Variants in LRRC4C observed in about 807,000 individuals in gnomAD.
LRRC4C encodes the protein leucine-rich repeat-containing protein 4C.
Under a neutral mutation model 33.6 loss-of-function variants are expected in LRRC4C, and 5 were observed. The observed-to-expected ratio is 0.15, with a 90% confidence interval of 0.08 to 0.31. The LOEUF (loss-of-function observed/expected upper bound fraction) is 0.31, where lower values mean the gene tolerates loss of function less well. Ranked by LOEUF, LRRC4C falls within the 10% of genes least tolerant of loss-of-function variation. The pLI is 1.00. For missense variants in LRRC4C, 560 were observed against 796.7 expected (o/e 0.70, Z 3.58); for synonymous variants, 329 against 302.0 (o/e 1.09, Z -0.93).
At chr11:41,034,422 T>C (rs1352100601) in intron 1 of LRRC4C, among the ~76,000 whole-genome samples, 2 of 122,798 alleles carry the variant, frequency 1.6e-5, no homozygotes, top group Admixed American at 8.6e-5. Context: ...AAGACACATA[T>C]GAACAATCCA....
At chr11:40,899,436 C>T (rs1956112830) in intron 2 of LRRC4C, among the ~76,000 whole-genome samples, 1 of 152,090 alleles carries the variant, frequency 6.6e-6, no homozygotes, top group East Asian at 1.9e-4. Flanking sequence ...GCATGAATAC[C>T]TATGCTGGAC....
intron 1 of LRRC4C, among the ~76,000 whole-genome samples, chr11:41,294,037 A>C (rs1591181081): frequency 6.6e-6 from 1 of 152,144 alleles, no homozygotes; most frequent in Non-Finnish European, 1.5e-5. Context: ...TCCTTGATGC[A>C]CTCACTACAT....
At chr11:41,090,404 G>A (rs1300698071) in intron 1 of LRRC4C, among the ~76,000 whole-genome samples, 2 of 151,812 alleles carry the variant, frequency 1.3e-5, no homozygotes, top group African/African-American at 2.4e-5. Context: ...TTCCTATATT[G>A]AGCATGCACT....
intron 3 of LRRC4C, among the ~76,000 whole-genome samples, chr11:40,419,325 T>G (rs1321472980): frequency 6.6e-6 from 1 of 152,162 alleles, no homozygotes; most frequent in Non-Finnish European, 1.5e-5. Flanking sequence ...TGGTGAAAGA[T>G]ATACTCAACA....
At chr11:41,390,288 T>C (rs1448297805) in intron 1 of LRRC4C, among the ~76,000 whole-genome samples, 2 of 152,016 alleles carry the variant, frequency 1.3e-5, no homozygotes, top group East Asian at 3.9e-4. Flanking sequence ...ATAAATCATT[T>C]AGGAGAAACA....
chr11:40,618,638 A>AAGCAGT (rs1470008453), intron 3 of LRRC4C, among the ~76,000 whole-genome samples: 4 of 151,726 alleles, frequency 2.6e-5, no homozygotes, highest in African/African-American at 7.2e-5. Flanking sequence ...TGCTCTCTCA[A>AAGCAGT]TCCATTTTTG....
At chr11:41,321,248 T>C (rs773870989) in intron 1 of LRRC4C, among the ~76,000 whole-genome samples, 1 of 152,108 alleles carries the variant, frequency 6.6e-6, no homozygotes, top group African/African-American at 2.4e-5. Context: ...ATATTCATAG[T>C]GTAGGATTAG....
chr11:40,527,864 T>C (rs929333999), intron 3 of LRRC4C, among the ~76,000 whole-genome samples: 2 of 152,060 alleles, frequency 1.3e-5, no homozygotes, highest in African/African-American at 4.8e-5. Flanking sequence ...TTCTCCTGCC[T>C]CAGCCTCCCA....
At chr11:41,222,924 T>A (rs1318167441) in intron 1 of LRRC4C, 2 of 151,588 alleles carry the variant, frequency 1.3e-5, no homozygotes, top group South Asian at 4.2e-4. Flanking sequence ...CATTAGACGG[T>A]CTTGAACAAA....
chr11:40,267,162 C>T (rs1217623197), intron 4 of LRRC4C, among the ~76,000 whole-genome samples: 1 of 152,032 alleles, frequency 6.6e-6, no homozygotes, highest in East Asian at 1.9e-4. Context: ...TAATTTTTAA[C>T]CGAAGAAATA....
At chr11:40,808,599 A>G (rs1951350540) in intron 2 of LRRC4C, among the ~76,000 whole-genome samples, 1 of 152,138 alleles carries the variant, frequency 6.6e-6, no homozygotes, top group South Asian at 2.1e-4. Context: ...AACGGAGCAC[A>G]GCTGGAAAAA....
chr11:40,723,690 C>T (rs1368860012), intron 2 of LRRC4C, among the ~76,000 whole-genome samples: 2 of 152,210 alleles, frequency 1.3e-5, no homozygotes, highest in East Asian at 3.9e-4. Context: ...CTCTATAAAG[C>T]AACTACGCAA....
intron 1 of LRRC4C, among the ~76,000 whole-genome samples, chr11:41,209,841 C>T (rs1333901681): frequency 6.6e-6 from 1 of 151,806 alleles, no homozygotes; most frequent in Non-Finnish European, 1.5e-5. Context: ...GAAGCCTTAA[C>T]CCACAATATG....
At chr11:41,228,470 C>T (rs776111258) in intron 1 of LRRC4C, among the ~76,000 whole-genome samples, 9 of 152,108 alleles carry the variant, frequency 5.9e-5, no homozygotes, top group Non-Finnish European at 1.3e-4. Flanking sequence ...GGCTGTGAGA[C>T]ATCTTCTGTC....
At chr11:40,261,293 T>A (rs1020666806) in intron 4 of LRRC4C, among the ~76,000 whole-genome samples, 19 of 152,182 alleles carry the variant, frequency 1.2e-4, no homozygotes, top group African/African-American at 4.3e-4. Context: ...AAATACTGAA[T>A]GTTATTGACA....
chr11:40,763,026 G>A (rs1949291862), intron 2 of LRRC4C, among the ~76,000 whole-genome samples: 1 of 82,424 alleles, frequency 1.2e-5, no homozygotes, highest in South Asian at 3.6e-4. Flanking sequence ...CAATATTATG[G>A]CCATTTAAAA....
At chr11:40,798,199 T>G (rs1016240827) in intron 2 of LRRC4C, among the ~76,000 whole-genome samples, 3 of 152,148 alleles carry the variant, frequency 2.0e-5, no homozygotes, top group African/African-American at 7.2e-5. Context: ...CCACAAAAAT[T>G]TAATGAATCA....
intron 2 of LRRC4C, among the ~76,000 whole-genome samples, chr11:40,783,829 T>C (rs943392525): frequency 6.6e-6 from 1 of 152,166 alleles, no homozygotes. Flanking sequence ...TAGGATTTCA[T>C]GTGCCTTGTA....
intron 5 of LRRC4C, among the ~76,000 whole-genome samples, chr11:40,201,427 A>T (rs974166117): frequency 1.3e-5 from 2 of 152,128 alleles, no homozygotes; most frequent in Non-Finnish European, 2.9e-5. Context: ...TAGGTACAGC[A>T]ACAAACTAAA....
Sources: gnomAD v4.1 joint callset for allele counts (sites outside exome capture counted in the v4.1 genomes callset) on GRCh38, gnomAD v4.1.1 for gene constraint, MANE v1.5 for transcripts, NCBI Gene and HGNC (gene_info 2026-07-23, HGNC 2026-07-21) for gene names.